The following MAPK8IP3 variants were observed in gnomAD, a reference collection of about 807,000 sequenced individuals.
The protein encoded by MAPK8IP3 is C-Jun-amino-terminal kinase-interacting protein 3.
Under a neutral mutation model 157.8 loss-of-function variants are expected in MAPK8IP3, and 49 were observed. The ratio of observed to expected loss-of-function variants is 0.31; its 90% CI spans 0.25 to 0.39. The LOEUF is 0.39. MAPK8IP3 is among the 10% of genes least tolerant of loss of function. The pLI is 1.00. For synonymous variants in MAPK8IP3, 897 were observed against 777.7 expected, an observed-to-expected ratio of 1.15 and a Z score of -2.55; for missense variants, 1,478 against 1,889.4, an observed-to-expected ratio of 0.78 and a Z score of 4.04.
Position 1,741,959 on chromosome 16 carries a change from G to A in MAPK8IP3, c.603-1373G>A, listed in dbSNP as rs879824962. ...CCAGGTAGCGGAGCTCCTGGTCAGC[G>A]GCGGCTGCTGCGTTCCCCTGTCGCC... On this transcript the variant is annotated intron_variant, in intron 4 of 31. Coordinates refer to ENST00000610761, the MANE Select transcript of MAPK8IP3 (RefSeq NM_001318852.2). This position sits in a 1 kb window ranked among gnomAD's most constrained non-coding sequence, Gnocchi z 6.9. Among the ~76,000 whole-genome samples, 50 of 152,170 alleles carry A rather than the reference G, an allele frequency of 3.3e-4. No homozygotes were observed. Among genetic ancestry groups the A allele is most frequent in the Non-Finnish European group, 2.1e-4 (14 of 68,028 alleles).
chr16:1,714,938 A>G (rs904637796), intron 1 of MAPK8IP3, among the ~76,000 whole-genome samples: 1 of 152,100 alleles, frequency 6.6e-6, no homozygotes, highest in Non-Finnish European at 1.5e-5. Context: ...TCCCAGGGAG[A>G]TGTTTCATAG....
At chr16:1,735,816 C>T (rs553148613) in intron 4 of MAPK8IP3, among the ~76,000 whole-genome samples, 1 of 136,742 alleles carries the variant, frequency 7.3e-6, no homozygotes, top group South Asian at 2.5e-4. Context: ...TGTGACCATC[C>T]GTGTGACCGT....
At chr16:1,738,768 CGT>C (rs1308354946) in intron 4 of MAPK8IP3, among the ~76,000 whole-genome samples, 3 of 105,100 alleles carry the variant, frequency 2.9e-5, no homozygotes, top group East Asian at 3.1e-4. Context: ...TGTGAGCGTC[CGT>C]GTGAGCGTGT....
chr16:1,736,583 CGT>C (rs537709654), intron 4 of MAPK8IP3, among the ~76,000 whole-genome samples: 3 of 50,104 alleles, frequency 6.0e-5, no homozygotes, highest in African/African-American at 7.9e-5. Flanking sequence ...TCCGTGTGAG[CGT>C]GTGACCATCC....
At chr16:1,723,194 C>T (rs1227810086) in intron 1 of MAPK8IP3, among the ~76,000 whole-genome samples, 3 of 151,802 alleles carry the variant, frequency 2.0e-5, no homozygotes, top group Non-Finnish European at 2.9e-5. Context: ...CCACCACACC[C>T]GGCTAATTTT....
At position 1,764,128 on chromosome 16, in the gene MAPK8IP3, G is replaced by A; in HGVS notation, c.2039G>A (p.Gly680Glu). Reference protein sequence around the residue: ...PAKYKQLSPNGGQEDTRMKNV... With the variant: ...PAKYKQLSPNEGQEDTRMKNV... Reference sequence around the variant, plus strand: ...TGCTCCCTGCAGCTGAGTCCCAACGGGGGCCAGGAGGACACGCGGATGAAG... The same window carrying A: ...TGCTCCCTGCAGCTGAGTCCCAACGAGGGCCAGGAGGACACGCGGATGAAG... Residue 680 changes from glycine to glutamate, a missense_variant, in exon 18 of 32, where the codon GGG (glycine) becomes GAG (glutamate). By Grantham distance (98) the Gly-to-Glu change is moderately conservative. This residue lies in a region of MAPK8IP3 where 669 missense variants were observed against 759.8 expected (regional missense o/e 0.88). Coordinates refer to ENST00000610761, the MANE Select transcript of MAPK8IP3 (RefSeq NM_001318852.2). The A allele has an allele frequency of 1.2e-6, 2 of 1,609,892 alleles. No homozygotes were observed. Among genetic ancestry groups the A allele is most frequent in the Non-Finnish European group, 1.7e-6 (2 of 1,178,688 alleles).
At chr16:1,725,677 A>G (rs372249478) in intron 2 of MAPK8IP3, among the ~76,000 whole-genome samples, 22 of 152,044 alleles carry the variant, frequency 1.4e-4, no homozygotes, top group African/African-American at 4.8e-4. Flanking sequence ...TTCCTGTGTA[A>G]TTTTCCTTTT....
intron 4 of MAPK8IP3, among the ~76,000 whole-genome samples, chr16:1,739,157 CGTGTGA>C (rs2040397918): frequency 9.0e-6 from 1 of 111,714 alleles, no homozygotes; most frequent in Non-Finnish European, 1.8e-5. Flanking sequence ...TGTGACCATC[CGTGTGA>C]GTGTGACCAT....
intron 2 of MAPK8IP3, among the ~76,000 whole-genome samples, chr16:1,726,600 C>T (rs2038894199): frequency 3.3e-5 from 5 of 152,156 alleles, no homozygotes; most frequent in Admixed American, 3.3e-4. Flanking sequence ...TGCTCAAACC[C>T]AGGAGGGAGA....
chr16:1,709,750 C>A (rs1049198857), intron 1 of MAPK8IP3, among the ~76,000 whole-genome samples: 5 of 152,270 alleles, frequency 3.3e-5, no homozygotes, highest in African/African-American at 7.2e-5. Flanking sequence ...GCAGAGCCAC[C>A]ACGTTTGCCG....
intron 6 of MAPK8IP3, 115 bp downstream of exon 6, chr16:1,747,390 T>G (rs1006113422): frequency 7.0e-7 from 1 of 1,422,432 alleles, no homozygotes; most frequent in Admixed American, 2.3e-5. Flanking sequence ...GACGTGTTCC[T>G]CACAGCCCGG....
intron 4 of MAPK8IP3, among the ~76,000 whole-genome samples, chr16:1,739,213 T>C (rs1213254456): frequency 7.8e-5 from 10 of 127,436 alleles, no homozygotes; most frequent in African/African-American, 3.0e-4. Context: ...TGAGCGTCCG[T>C]GTGAGCGTGT....
At chr16:1,756,709 C>T (rs1307014270) in intron 8 of MAPK8IP3, among the ~76,000 whole-genome samples, 1 of 151,050 alleles carries the variant, frequency 6.6e-6, no homozygotes, top group Non-Finnish European at 1.5e-5. Context: ...GTAGACTCAG[C>T]TACTCAGGAG....
At chr16:1,759,060 G>A (rs768046519) in intron 10 of MAPK8IP3, 65 bp downstream of exon 10, 3 of 1,602,236 alleles carry the variant, frequency 1.9e-6, no homozygotes, top group Non-Finnish European at 2.6e-6. Flanking sequence ...CCTGCTTCAT[G>A]AGCCGTTTGC....
intron 4 of MAPK8IP3, among the ~76,000 whole-genome samples, chr16:1,735,635 G>C (rs1259941074): frequency 2.1e-5 from 3 of 146,158 alleles, no homozygotes; most frequent in African/African-American, 5.2e-5. Context: ...CCGTGTGACT[G>C]TCCATGTGAG....
Position 1,724,292 on chromosome 16 carries a change from A to C in MAPK8IP3, c.319-265A>C, listed in dbSNP as rs1249984781. Among the ~76,000 whole-genome samples, 1 of 152,230 alleles carries C rather than the reference A, an allele frequency of 6.6e-6. No homozygotes were observed. The highest frequency in any genetic ancestry group is 1.5e-5 in the Non-Finnish European group (1 of 68,038). On this transcript the variant is annotated intron_variant, in intron 1 of 31. Transcript: ENST00000610761. This position sits in a 1 kb window ranked among gnomAD's most constrained non-coding sequence, Gnocchi z 4.1. ...GGAAACAACAGGCTCCCTTCACAGC[A>C]AATCCTCCCGGGAGAGGAGGGTGCA...
At position 1,743,838 on chromosome 16, in the gene MAPK8IP3, G is replaced by T; in HGVS notation, c.747+362G>T. 6 of 1,122,154 alleles carry T rather than the reference G, an allele frequency of 5.3e-6. No homozygotes were observed. Among genetic ancestry groups the T allele is most frequent in the Non-Finnish European group, 6.6e-6 (6 of 914,962 alleles). 69.5% of individuals were successfully genotyped at this position (1,122,154 alleles called of 1,614,324 possible). ...CACATAAAGCCTCATGCTCACCCGGGCTCCAGCCAGACACATCCTGCCCCT... is the reference window on the plus strand; with the variant it reads ...CACATAAAGCCTCATGCTCACCCGGTCTCCAGCCAGACACATCCTGCCCCT... On this transcript the variant is annotated intron_variant, in intron 5 of 31. Transcript: ENST00000610761. The surrounding 1 kb of genome is among the most constrained non-coding windows in gnomAD (Gnocchi z 5.6).
intron 4 of MAPK8IP3, among the ~76,000 whole-genome samples, chr16:1,734,117 G>A (rs2039497369): frequency 6.6e-6 from 1 of 152,248 alleles, no homozygotes; most frequent in African/African-American, 2.4e-5. Context: ...AAGGCACCCT[G>A]CAGTGGGGTC....
At chr16:1,733,645 C>T (rs1214745418) in intron 4 of MAPK8IP3, among the ~76,000 whole-genome samples, 3 of 152,224 alleles carry the variant, frequency 2.0e-5, no homozygotes, top group East Asian at 1.9e-4. Flanking sequence ...TCCCTTGGCT[C>T]GTCCTGGCGC....
Sources: allele counts gnomAD v4.1 joint callset (sites outside exome capture counted in the v4.1 genomes callset), GRCh38; gene constraint gnomAD v4.1.1; regional missense constraint gnomAD v4.1.1; non-coding constraint Gnocchi (gnomAD v3.1); transcripts MANE v1.5; gene names NCBI Gene and HGNC (gene_info 2026-07-23, HGNC 2026-07-21).